PSPC1: variants seen among roughly 807,000 people sequenced by gnomAD.
PSPC1 encodes the protein paraspeckle protein 1.
A neutral mutation model predicts 51.6 loss-of-function variants in PSPC1; 14 were observed. The observed-to-expected ratio is 0.27, with a 90% CI of 0.18 to 0.42. PSPC1 has a LOEUF of 0.42. Among genes scored for constraint, PSPC1 ranks in the 10% least tolerant of loss-of-function variants. The pLI, the probability that PSPC1 is intolerant of heterozygous loss-of-function variation, is 1.00. For missense variants in PSPC1, 406 were observed against 701.1 expected (o/e 0.58, Z 4.75); for synonymous variants, 193 against 231.9 (o/e 0.83, Z 1.53).
At chr13:19,736,579 A>G (rs934455320) in intron 5 of PSPC1, among the ~76,000 whole-genome samples, 43 of 152,226 alleles carry the variant, frequency 2.8e-4, no homozygotes, top group Non-Finnish European at 4.6e-4. Flanking sequence ...GCTACTCCGG[A>G]GGCTGAGGCA....
chr13:19,700,296 G>A (rs1219578721), downstream of PSPC1, among the ~76,000 whole-genome samples: 2 of 152,002 alleles, frequency 1.3e-5, no homozygotes, highest in Non-Finnish European at 2.9e-5. Flanking sequence ...TGAAAAACAA[G>A]AGCCAAAGTT....
At position 19,741,643 on chromosome 13, in the gene PSPC1, A is replaced by G. The variant is rs746518271; in HGVS notation, c.974T>C (p.Met325Thr). ...HQLMLMRQDL[M>T]RRQEELRRLE... ...GCGTCTGAGTTCTTCTTGACGCCTC[A>G]TTAGATCTATAAAATAATGACTGCA... The change falls in exon 5 of 9, where the codon ATG becomes ACG. Residue 325 changes from methionine to threonine, a missense_variant. Around this residue, in one of 5 missense-constraint regions of PSPC1, gnomAD observed 180 missense variants for 337.9 expected, o/e 0.53. Transcript: ENST00000338910. 3 of 1,584,982 alleles carry G rather than the reference A, an allele frequency of 1.9e-6. No homozygotes were observed. The highest frequency in any genetic ancestry group is 1.2e-5 in the South Asian group (1 of 86,518).
intron 7 of PSPC1, among the ~76,000 whole-genome samples, chr13:19,676,088 C>CCTT (rs1876601452): frequency 6.6e-6 from 1 of 152,184 alleles, no homozygotes; most frequent in Non-Finnish European, 1.5e-5. Flanking sequence ...ATCTCTCTCC[C>CCTT]CTTCTCTCTT....
At position 19,732,986 on chromosome 13, in the gene PSPC1, C is replaced by T. The variant is rs180961082; in HGVS notation, c.1053-2642G>A. On this transcript the variant is annotated intron_variant, in intron 5 of 8. Transcript: ENST00000338910. ...ACCAACTTTTTAGTCTCAAAGCTTC[C>T]GAATTACAAAGACAATACAGTAGAC... Among the ~76,000 whole-genome samples, 69 of 151,874 alleles carry T rather than the reference C, an allele frequency of 4.5e-4. 1 individual carries two copies. Among genetic ancestry groups the T allele is most frequent in the African/African-American group, 8.4e-4 (35 of 41,456 alleles).
intron 6 of PSPC1, among the ~76,000 whole-genome samples, chr13:19,689,317 G>A (rs1878290310): frequency 1.3e-5 from 2 of 152,066 alleles, no homozygotes; most frequent in African/African-American, 4.8e-5. Flanking sequence ...TAAGGAAATG[G>A]CAAAGACACT....
At chr13:19,771,241 G>A (rs1313948155) in intron 2 of PSPC1, among the ~76,000 whole-genome samples, 10 of 151,942 alleles carry the variant, frequency 6.6e-5, no homozygotes, top group Admixed American at 6.6e-4. Context: ...GGGTTCAACC[G>A]ATTCTGGTGA....
chr13:19,768,231 A>G (rs1888257674), intron 2 of PSPC1, among the ~76,000 whole-genome samples: 1 of 151,862 alleles, frequency 6.6e-6, no homozygotes, highest in Admixed American at 6.6e-5. Flanking sequence ...TCCCCCCCCA[A>G]AAAAATAAAT....
At chr13:19,752,057 C>CA (rs1367854467) in intron 3 of PSPC1, among the ~76,000 whole-genome samples, 1 of 151,230 alleles carries the variant, frequency 6.6e-6, no homozygotes, top group Non-Finnish European at 1.5e-5. Context: ...GACTCCGTCC[C>CA]AAAAAAAAGA....
At chr13:19,754,100 TC>T (rs1886833683) in intron 3 of PSPC1, among the ~76,000 whole-genome samples, 1 of 152,094 alleles carries the variant, frequency 6.6e-6, no homozygotes, top group South Asian at 2.1e-4. Context: ...CTTTTTTTTT[TC>T]CTGAAACAGT....
At chr13:19,755,523 G>A (rs1306486249) in intron 3 of PSPC1, among the ~76,000 whole-genome samples, 1 of 151,924 alleles carries the variant, frequency 6.6e-6, no homozygotes, top group Non-Finnish European at 1.5e-5. Flanking sequence ...GGGAGGCGGA[G>A]GTTGTGGTGA....
At chr13:19,697,725 CAGAATGACTATGTAGAATTT>C (rs1474846193), downstream of PSPC1, among the ~76,000 whole-genome samples, 1 of 152,082 alleles carries the variant, frequency 6.6e-6, no homozygotes, top group Non-Finnish European at 1.5e-5. Context: ...AAAAGTCATA[CAGAATGACTATGTAGAATTT>C]AGTTTACTTT....
At chr13:19,755,099 T>C (rs1886937504) in intron 3 of PSPC1, among the ~76,000 whole-genome samples, 1 of 152,094 alleles carries the variant, frequency 6.6e-6, no homozygotes, top group African/African-American at 2.4e-5. Context: ...ACGGGCATGG[T>C]GGCCCACATC....
chr13:19,762,554 C>T (rs1417768983), intron 2 of PSPC1, among the ~76,000 whole-genome samples: 3 of 112,970 alleles, frequency 2.7e-5, no homozygotes, highest in East Asian at 3.5e-4. Flanking sequence ...AACGAGACTC[C>T]GTCTCAGAAA....
At chr13:19,736,540 A>C (rs139097826) in intron 5 of PSPC1, among the ~76,000 whole-genome samples, 1 of 151,954 alleles carries the variant, frequency 6.6e-6, no homozygotes. Flanking sequence ...AAAATTAGCC[A>C]GGTGTGGTGA....
intron 1 of PSPC1, among the ~76,000 whole-genome samples, chr13:19,777,700 C>T (rs1352281716): frequency 6.6e-6 from 1 of 152,066 alleles, no homozygotes; most frequent in Non-Finnish European, 1.5e-5. Flanking sequence ...GTAATCCCAG[C>T]ACTTTGGGAG....
At chr13:19,745,613 GAATT>G (rs1167407202) in intron 4 of PSPC1, among the ~76,000 whole-genome samples, 1 of 150,626 alleles carries the variant, frequency 6.6e-6, no homozygotes, top group African/African-American at 2.4e-5. Flanking sequence ...TTATGACACT[GAATT>G]AATTTTTTTT....
At chr13:19,723,152 T>A (rs2137869625) in intron 6 of PSPC1, among the ~76,000 whole-genome samples, 1 of 152,286 alleles carries the variant, frequency 6.6e-6, no homozygotes, top group South Asian at 2.1e-4. Context: ...ATGAAAAAGA[T>A]GACAGCTGGG....
At chr13:19,738,137 T>A (rs749456967) in intron 5 of PSPC1, among the ~76,000 whole-genome samples, 1 of 152,188 alleles carries the variant, frequency 6.6e-6, no homozygotes, top group African/African-American at 2.4e-5. Flanking sequence ...TATGTATACA[T>A]ATTAACCCAT....
chr13:19,778,353 AC>A (rs1304257201), intron 1 of PSPC1, among the ~76,000 whole-genome samples: 1 of 98,080 alleles, frequency 1.0e-5, no homozygotes, highest in Non-Finnish European at 2.1e-5. Context: ...ACATATTAAG[AC>A]CTCTCCCTCT....
Sources: gnomAD v4.1 joint callset for allele counts (sites outside exome capture counted in the v4.1 genomes callset) on GRCh38, gnomAD v4.1.1 for gene constraint, gnomAD v4.1.1 regional missense constraint, MANE v1.5 for transcripts, NCBI Gene and HGNC (gene_info 2026-07-23, HGNC 2026-07-21) for gene names.